Variants in MDGA2 observed in about 807,000 individuals in gnomAD.
MDGA2 encodes the protein MAM domain-containing glycosylphosphatidylinositol anchor protein 2.
Under a neutral mutation model 117.8 loss-of-function variants are expected in MDGA2, and 40 were observed. That is an observed-to-expected ratio of 0.34 (90% confidence interval 0.26 to 0.44). The LOEUF is 0.44. MDGA2 is among the 20% of genes least tolerant of loss of function. The pLI is 1.00. For missense variants in MDGA2, 1,123 were observed against 1,250.6 expected (o/e 0.90, Z 1.54); for synonymous variants, 452 against 439.0 (o/e 1.03, Z -0.37).
intron 7 of MDGA2, chr14:47,059,379 A>T (rs1483146981): frequency 8.4e-7 from 1 of 1,189,418 alleles, no homozygotes; most frequent in Non-Finnish European, 1.1e-6. Flanking sequence ...CAATAGTGTT[A>T]CCTTGGGTAG....
intron 14 of MDGA2, among the ~76,000 whole-genome samples, chr14:46,864,572 T>TTTTTTTTTTTTC (rs1881660333): frequency 2.2e-5 from 2 of 89,420 alleles, no homozygotes; most frequent in African/African-American, 4.1e-5. Context: ...TTTTTTTTTT[T>TTTTTTTTTTTTC]ACAAATTAAA....
At chr14:47,569,661 T>C (rs1287368287) in intron 1 of MDGA2, among the ~76,000 whole-genome samples, 1 of 152,192 alleles carries the variant, frequency 6.6e-6, no homozygotes, top group Non-Finnish European at 1.5e-5. Flanking sequence ...AGATAAGAAA[T>C]TCTCTTCTTA....
chr14:47,580,527 CATTCGAGCCACTATTTTAAGCTCT>C (rs1896210449), intron 1 of MDGA2, among the ~76,000 whole-genome samples: 1 of 151,918 alleles, frequency 6.6e-6, no homozygotes, highest in South Asian at 2.1e-4. Flanking sequence ...AACAAGATTC[CATTCGAGCCACTATTTTAAGCTCT>C]ATCAACAGAA....
At chr14:47,319,997 C>T (rs532614178) in intron 1 of MDGA2, among the ~76,000 whole-genome samples, 7 of 152,172 alleles carry the variant, frequency 4.6e-5, no homozygotes, top group Admixed American at 2.0e-4. Flanking sequence ...AGAAGAATGC[C>T]ATATAAGCAT....
intron 1 of MDGA2, among the ~76,000 whole-genome samples, chr14:47,389,501 T>C (rs1456490369): frequency 6.6e-6 from 1 of 152,122 alleles, no homozygotes; most frequent in Admixed American, 6.6e-5. Context: ...AACTGCTTTC[T>C]AGGAATGTCT....
chr14:47,384,924 C>G (rs1287296187), intron 1 of MDGA2, among the ~76,000 whole-genome samples: 1 of 152,160 alleles, frequency 6.6e-6, no homozygotes, highest in Admixed American at 6.5e-5. Flanking sequence ...ACAACGAATA[C>G]TTCTGATGCC....
chr14:47,558,549 G>A (rs1024111220), intron 1 of MDGA2, among the ~76,000 whole-genome samples: 1 of 152,114 alleles, frequency 6.6e-6, no homozygotes, highest in South Asian at 2.1e-4. Flanking sequence ...GATGTAAATT[G>A]ACAAAATAAA....
chr14:47,558,966 T>C (rs957607575), intron 1 of MDGA2, among the ~76,000 whole-genome samples: 13 of 152,234 alleles, frequency 8.5e-5, no homozygotes, highest in African/African-American at 3.1e-4. Context: ...GATACACATA[T>C]GATTCTGCAA....
Position 47,462,864 on chromosome 14 carries a change from C to T in MDGA2, c.281-161314G>A, listed in dbSNP as rs372017901. Among the ~76,000 whole-genome samples, 59 of 152,264 alleles carry T rather than the reference C, an allele frequency of 3.9e-4. No homozygotes were observed. In the East Asian group the frequency reaches 6.8e-3, roughly 17 times the overall value. On this transcript the variant is annotated intron_variant, in intron 1 of 16. Transcript: ENST00000399232. ...TCTCTCATATGGAAGTGATTGAACACGTTAGCAACATATAAACATCAGATG... is the reference window on the plus strand; with the variant it reads ...TCTCTCATATGGAAGTGATTGAACATGTTAGCAACATATAAACATCAGATG...
At chr14:47,075,374 AG>A (rs1890454013) in intron 6 of MDGA2, among the ~76,000 whole-genome samples, 2 of 152,190 alleles carry the variant, frequency 1.3e-5, no homozygotes, top group Non-Finnish European at 2.9e-5. Flanking sequence ...GTGACATGGA[AG>A]ATACAACACC....
At chr14:47,413,093 C>G (rs1167239569) in intron 1 of MDGA2, among the ~76,000 whole-genome samples, 1 of 152,088 alleles carries the variant, frequency 6.6e-6, no homozygotes, top group African/African-American at 2.4e-5. Flanking sequence ...TTCCATCAGG[C>G]TAATTAATAT....
chr14:46,889,185 G>A (rs974931737), intron 10 of MDGA2, among the ~76,000 whole-genome samples: 6 of 151,952 alleles, frequency 3.9e-5, no homozygotes, highest in African/African-American at 1.4e-4. Context: ...ACTAGTAATA[G>A]CAAACATTTA....
chr14:47,422,456 A>G (rs17118607), intron 1 of MDGA2, among the ~76,000 whole-genome samples: 4,381 of 152,248 alleles, frequency 0.029, 207 homozygotes, highest in African/African-American at 0.1. Context: ...TGTCTTCCAA[A>G]GAATGAGAGA....
chr14:47,050,157 A>C (rs1443600611), intron 7 of MDGA2, among the ~76,000 whole-genome samples: 2 of 152,052 alleles, frequency 1.3e-5, no homozygotes, highest in African/African-American at 2.4e-5. Flanking sequence ...TAAAGAACCA[A>C]GGTTCTTCAG....
At chr14:47,190,186 C>A (rs553467991) in intron 3 of MDGA2, among the ~76,000 whole-genome samples, 1 of 152,230 alleles carries the variant, frequency 6.6e-6, no homozygotes, top group African/African-American at 2.4e-5. Flanking sequence ...CCGTATAGTT[C>A]CTGGACATGG....
At chr14:46,846,305 A>G (rs1270349878) in intron 15 of MDGA2, among the ~76,000 whole-genome samples, 1 of 152,136 alleles carries the variant, frequency 6.6e-6, no homozygotes, top group African/African-American at 2.4e-5. Context: ...ATTCTTTACA[A>G]CAGTAATATG....
At chr14:47,342,807 G>C (rs1308095467) in intron 1 of MDGA2, 1 of 324,650 alleles carries the variant, frequency 3.1e-6, no homozygotes, top group Non-Finnish European at 6.1e-6. Context: ...AAAAGTAGCA[G>C]CAAATTCTTC....
At position 47,520,981 on chromosome 14, in the gene MDGA2, A is replaced by C. The variant is rs115023970; in HGVS notation, c.280+153536T>G. Among the ~76,000 whole-genome samples, 1,392 of 152,318 alleles carry C rather than the reference A, an allele frequency of 9.1e-3. 20 individuals carry two copies. The highest frequency in any genetic ancestry group is 0.032 in the African/African-American group (1,331 of 41,588). On this transcript the variant is annotated intron_variant, in intron 1 of 16. Coordinates refer to ENST00000399232, the MANE Select transcript of MDGA2 (RefSeq NM_001113498.3). ...TACACGAGAATTTTATTTCTTTTCTAATGCTTATTGAAGACATTGATATTT... is the reference window on the plus strand; with the variant it reads ...TACACGAGAATTTTATTTCTTTTCTCATGCTTATTGAAGACATTGATATTT...
intron 2 of MDGA2, among the ~76,000 whole-genome samples, chr14:47,263,750 A>C (rs993919832): frequency 6.6e-6 from 1 of 152,166 alleles, no homozygotes; most frequent in Non-Finnish European, 1.5e-5. Context: ...ACAAATATTC[A>C]CTTATAAGTC....
Sources: allele counts gnomAD v4.1 joint callset (sites outside exome capture counted in the v4.1 genomes callset), GRCh38; gene constraint gnomAD v4.1.1; transcripts MANE v1.5; gene names NCBI Gene and HGNC (gene_info 2026-07-23, HGNC 2026-07-21).